KIAA1958: variants seen among roughly 807,000 people sequenced by gnomAD.
KIAA1958 encodes uncharacterized protein KIAA1958.
Under a neutral mutation model 47.2 loss-of-function variants are expected in KIAA1958, and 14 were observed. That is an observed-to-expected ratio of 0.30 (90% CI 0.20 to 0.46). The LOEUF is 0.46. Among genes scored for constraint, KIAA1958 ranks in the 20% least tolerant of loss-of-function variants. The pLI, the probability that KIAA1958 is intolerant of heterozygous loss-of-function variation, is 1.00. For synonymous variants in KIAA1958, 354 were observed against 353.3 expected (o/e 1.00, Z -0.02); for missense variants, 803 against 909.2 (o/e 0.88, Z 1.50).
chr9:112,516,358 A>G lies in KIAA1958; in HGVS notation c.-25+29240A>G, dbSNP rs1032626487. 4.6e-5 allele frequency among the ~76,000 whole-genome samples: 7 copies of G among 152,288 alleles called. No individual in the cohort carries two copies. The East Asian group carries it at 1.2e-3, about 25-fold the overall frequency. ...TTGACATTTAAAAATACCATTTGTA[A>G]TAGCATCAAAAACATTAACTATTTA... On this transcript the variant is annotated intron_variant, in intron 1 of 3. Transcript: ENST00000337530.
chr9:112,638,221 A>G (rs1836838161), intron 2 of KIAA1958, among the ~76,000 whole-genome samples: 1 of 152,104 alleles, frequency 6.6e-6, no homozygotes, highest in South Asian at 2.1e-4. Flanking sequence ...AAAAATAAAG[A>G]AGGCTGGGCA....
chr9:112,496,564 A>G (rs1411287242), intron 1 of KIAA1958, among the ~76,000 whole-genome samples: 2 of 152,158 alleles, frequency 1.3e-5, no homozygotes, highest in South Asian at 2.1e-4. Flanking sequence ...TTCCGAGTGT[A>G]TGTTTCAACA....
intron 2 of KIAA1958, among the ~76,000 whole-genome samples, chr9:112,645,230 G>A (rs1836956466): frequency 6.6e-6 from 1 of 151,736 alleles, no homozygotes; most frequent in Non-Finnish European, 1.5e-5. Context: ...TAAATGATAG[G>A]TCTTCATGTG....
chr9:112,563,129 A>G lies in KIAA1958; in HGVS notation c.-24-10928A>G, dbSNP rs1835366986. On this transcript the variant is annotated intron_variant, in intron 1 of 3. Transcript: ENST00000337530. ...TTTTTTAATTGAGACAAATTTTCACAGTGTTGCCCAGGCTGGTCTTGAACT... is the reference window on the plus strand; with the variant it reads ...TTTTTTAATTGAGACAAATTTTCACGGTGTTGCCCAGGCTGGTCTTGAACT... Among the ~76,000 whole-genome samples the G allele has an allele frequency of 2.9e-5, 4 of 139,934 alleles. No individual in the cohort carries two copies. The South Asian group carries it at 9.0e-4, about 32-fold the overall frequency. The allele number at this position is 139,934 out of a possible 152,430, so 91.8% of individuals were successfully genotyped here. A position where few individuals can be genotyped will look rare whatever the true frequency, so the allele number is the denominator to read the frequency against.
chr9:112,586,589 AG>A (rs1346601883), intron 2 of KIAA1958, among the ~76,000 whole-genome samples: 10 of 152,204 alleles, frequency 6.6e-5, no homozygotes, highest in Non-Finnish European at 1.2e-4. Flanking sequence ...TATTTCTTCA[AG>A]GGCATTTTCA....
intron 3 of KIAA1958, among the ~76,000 whole-genome samples, chr9:112,655,975 A>G (rs2131251412): frequency 6.6e-6 from 1 of 152,296 alleles, no homozygotes; most frequent in South Asian, 2.1e-4. Context: ...ATAAATGTGC[A>G]TGGTGTAAGG....
intron 1 of KIAA1958, among the ~76,000 whole-genome samples, chr9:112,488,422 G>A (rs932082784): frequency 1.2e-4 from 18 of 152,288 alleles, no homozygotes; most frequent in African/African-American, 4.3e-4. Context: ...GGTTGAATAA[G>A]CACCCAGAAA....
chr9:112,590,182 A>G (rs986835108), intron 2 of KIAA1958, among the ~76,000 whole-genome samples: 1 of 152,176 alleles, frequency 6.6e-6, no homozygotes. Context: ...CTGCATTTTA[A>G]TGAGGTCCCT....
rs1242736845 is a variant in KIAA1958 at position 112,618,841 on chromosome 9, G to T, written c.1172-26809G>T. On this transcript the variant is annotated intron_variant, in intron 2 of 3. Transcript: ENST00000337530. The surrounding 1 kb of genome is among the most constrained non-coding windows in gnomAD (Gnocchi z 7.1). ...ACAATCTGAGCCAGCAGGCTGCCCA[G>T]TCAGTGGCCGGCCACTCCAACAATG... 9 of 1,550,346 alleles carry T rather than the reference G, an allele frequency of 5.8e-6. No homozygotes were observed. The highest frequency in any genetic ancestry group is 7.8e-6 in the Non-Finnish European group (9 of 1,146,852).
In KIAA1958 at chr9:112,568,576, G is replaced by A. The variant is rs370787649; in HGVS notation, c.-24-5481G>A. On this transcript the variant is annotated intron_variant, in intron 1 of 3. Coordinates refer to ENST00000337530, the MANE Select transcript of KIAA1958 (RefSeq NM_133465.4). ...ATGATAAGATGAAATACATAGCATAGCACATTGTAAGATAAATAGTGCTTG... is the reference window on the plus strand; with the variant it reads ...ATGATAAGATGAAATACATAGCATAACACATTGTAAGATAAATAGTGCTTG... Among the ~76,000 whole-genome samples the A allele has an allele frequency of 3.3e-5, 5 of 152,128 alleles. No homozygotes were observed. The East Asian group carries it at 9.7e-4, about 29-fold the overall frequency.
intron 1 of KIAA1958, among the ~76,000 whole-genome samples, chr9:112,510,494 C>T (rs1201010461): frequency 6.6e-6 from 1 of 152,190 alleles, no homozygotes; most frequent in African/African-American, 2.4e-5. Context: ...TTCAGATCTG[C>T]CTTTGCATCT....
chr9:112,502,870 G>A (rs771028768), intron 1 of KIAA1958, among the ~76,000 whole-genome samples: 12 of 152,244 alleles, frequency 7.9e-5, no homozygotes, highest in Admixed American at 6.5e-5. Flanking sequence ...GGCAGTGACC[G>A]ATATGTCCAT....
Position 112,574,939 on chromosome 9 carries a change from G to T in KIAA1958, c.859G>T (p.Val287Leu), listed in dbSNP as rs771870428. ...ACCAATTGTCCAGAAGACTGCTAGG[G>T]TATCTCTGGCTTCACCAAACAGAGG... ...SRPIVQKTAR[V>L]SLASPNRGPP... is the part of the protein sequence containing the mutation. The change falls in exon 2 of 4, where the codon GTA becomes TTA. Residue 287 changes from valine (V) to leucine (L), a missense_variant. Coordinates refer to ENST00000337530, the MANE Select transcript of KIAA1958 (RefSeq NM_133465.4). The T allele has an allele frequency of 6.2e-7, 1 of 1,614,068 alleles. No homozygotes were observed. Among genetic ancestry groups the T allele is most frequent in the Non-Finnish European group, 8.5e-7 (1 of 1,179,998 alleles).
At chr9:112,632,605 A>G (rs1836729736) in intron 2 of KIAA1958, among the ~76,000 whole-genome samples, 1 of 151,984 alleles carries the variant, frequency 6.6e-6, no homozygotes. Flanking sequence ...CCTATTTTTT[A>G]ATGCATTTTG....
intron 1 of KIAA1958, among the ~76,000 whole-genome samples, chr9:112,568,114 G>A (rs1046477846): frequency 6.6e-6 from 1 of 151,656 alleles, no homozygotes; most frequent in Non-Finnish European, 1.5e-5. Context: ...AATAAAATAG[G>A]CAATATTAGC....
chr9:112,542,765 A>G (rs964231554), intron 1 of KIAA1958, among the ~76,000 whole-genome samples: 3 of 152,202 alleles, frequency 2.0e-5, no homozygotes, highest in African/African-American at 7.2e-5. Context: ...AGAGGGGGAT[A>G]TTGAAAACAG....
intron 2 of KIAA1958, among the ~76,000 whole-genome samples, chr9:112,580,968 A>G (rs1835725223): frequency 6.6e-6 from 1 of 152,248 alleles, no homozygotes; most frequent in African/African-American, 2.4e-5. Flanking sequence ...CAAACCGGGT[A>G]CACATCTGAA....
At chr9:112,558,499 T>C (rs1178306046) in intron 1 of KIAA1958, among the ~76,000 whole-genome samples, 1 of 152,234 alleles carries the variant, frequency 6.6e-6, no homozygotes, top group Non-Finnish European at 1.5e-5. Context: ...ATGACCTCTC[T>C]ACTTCTTTGA....
intron 3 of KIAA1958, among the ~76,000 whole-genome samples, chr9:112,653,369 C>T (rs918450199): frequency 6.6e-6 from 1 of 152,166 alleles, no homozygotes; most frequent in African/African-American, 2.4e-5. Context: ...GGCTCCATAA[C>T]AAACCACTCA....
Sources: allele counts gnomAD v4.1 joint callset (sites outside exome capture counted in the v4.1 genomes callset), GRCh38; gene constraint gnomAD v4.1.1; non-coding constraint Gnocchi (gnomAD v3.1); transcripts MANE v1.5; gene names NCBI Gene and HGNC (gene_info 2026-07-23, HGNC 2026-07-21).